SPIRE1: variants seen among roughly 807,000 people sequenced by gnomAD.
The protein encoded by SPIRE1 is protein spire homolog 1.
In SPIRE1, 40 loss-of-function variants were observed where a neutral mutation model predicts 94.1. That is an observed-to-expected ratio of 0.43 (90% CI 0.33 to 0.55). The LOEUF (loss-of-function observed/expected upper bound fraction) is 0.55, where lower values mean the gene tolerates loss of function less well. SPIRE1 is among the 20% of genes least tolerant of loss of function. SPIRE1 has a pLI of 0.06. For synonymous variants in SPIRE1, 376 were observed against 371.7 expected, an observed-to-expected ratio of 1.01 and a Z score of -0.13; for missense variants, 838 against 975.2, an observed-to-expected ratio of 0.86 and a Z score of 1.87.
chr18:12,647,154 T>C (rs2038250524), intron 1 of SPIRE1, among the ~76,000 whole-genome samples: 2 of 152,176 alleles, frequency 1.3e-5, no homozygotes, highest in Admixed American at 1.3e-4. Context: ...TCCATATACC[T>C]AATCGAATCC....
chr18:12,504,339 T>C (rs2033761882), intron 6 of SPIRE1, among the ~76,000 whole-genome samples: 1 of 143,796 alleles, frequency 7.0e-6, no homozygotes, highest in Non-Finnish European at 1.5e-5. Context: ...AAGCCCTGTC[T>C]CTACTAAAAA....
At chr18:12,611,015 C>A (rs1471470403) in intron 2 of SPIRE1, among the ~76,000 whole-genome samples, 1 of 152,166 alleles carries the variant, frequency 6.6e-6, no homozygotes, top group Admixed American at 6.5e-5. Context: ...TATCCCCTCT[C>A]GCCAAGGTAA....
intron 2 of SPIRE1, among the ~76,000 whole-genome samples, chr18:12,567,077 A>T (rs1598479349): frequency 6.6e-6 from 1 of 152,308 alleles, no homozygotes; most frequent in East Asian, 1.9e-4. Flanking sequence ...GAAAATACAA[A>T]AGAATGAACA....
chr18:12,486,938 C>T (rs4797693), intron 8 of SPIRE1, among the ~76,000 whole-genome samples: 6,865 of 152,148 alleles, frequency 0.045, 174 homozygotes, highest in South Asian at 0.092. Context: ...CCGCAACCTC[C>T]GCCTCCCGGG....
At chr18:12,450,870 C>T (rs910030216) in intron 16 of SPIRE1, 1 of 727,608 alleles carries the variant, frequency 1.4e-6, no homozygotes. Context: ...CAGCCTTACA[C>T]CACTAAGGCG....
intron 3 of SPIRE1, among the ~76,000 whole-genome samples, chr18:12,542,980 C>G (rs1411732122): frequency 6.6e-6 from 1 of 152,150 alleles, no homozygotes; most frequent in Non-Finnish European, 1.5e-5. Flanking sequence ...GCATGCACCA[C>G]CATGCCCAGC....
intron 2 of SPIRE1, among the ~76,000 whole-genome samples, chr18:12,548,052 T>C (rs574701774): frequency 7.9e-5 from 12 of 152,334 alleles, no homozygotes; most frequent in South Asian, 4.1e-4. Flanking sequence ...TTCTCATCCG[T>C]TAAATGGGGA....
rs141990482 is a variant in SPIRE1, at chr18:12,618,395, C to T, written c.372+16667G>A. 2.9e-4 allele frequency among the ~76,000 whole-genome samples: 44 copies of T among 152,230 alleles called. 1 individual carries two copies. In the East Asian group the frequency reaches 7.0e-3, roughly 24 times the overall value. On this transcript the variant is annotated intron_variant, in intron 2 of 16. Coordinates refer to ENST00000409402, the MANE Select transcript of SPIRE1 (RefSeq NM_001128626.2). ...GATTACAGGCGAGAGCCACCGCGCC[C>T]GGCCACTATAAGGTATTTATTAATT...
At chr18:12,652,769 T>C (rs1202765405) in intron 1 of SPIRE1, among the ~76,000 whole-genome samples, 1 of 152,238 alleles carries the variant, frequency 6.6e-6, no homozygotes, top group Non-Finnish European at 1.5e-5. Flanking sequence ...TTCTATTTAT[T>C]TCATTCAAAC....
chr18:12,527,833 G>A (rs1023176547), intron 4 of SPIRE1, among the ~76,000 whole-genome samples: 4 of 152,216 alleles, frequency 2.6e-5, no homozygotes, highest in South Asian at 2.1e-4. Flanking sequence ...TTGGGAGGCC[G>A]AGGTGGGTGG....
At chr18:12,626,962 T>G (rs1433812693) in intron 2 of SPIRE1, among the ~76,000 whole-genome samples, 1 of 150,888 alleles carries the variant, frequency 6.6e-6, no homozygotes, top group Non-Finnish European at 1.5e-5. Context: ...ACTCTTTTGT[T>G]ATTTACATAA....
chr18:12,639,079 T>C (rs532059595), intron 1 of SPIRE1, among the ~76,000 whole-genome samples: 44 of 152,260 alleles, frequency 2.9e-4, no homozygotes, highest in Non-Finnish European at 5.4e-4. Context: ...CCAGGCTAAC[T>C]ACCATTTCTA....
intron 1 of SPIRE1, among the ~76,000 whole-genome samples, chr18:12,643,039 AC>A (rs1712214644): frequency 6.6e-6 from 1 of 152,186 alleles, no homozygotes; most frequent in Admixed American, 6.5e-5. Flanking sequence ...AACTTACAAA[AC>A]TCATTACAAA....
At chr18:12,500,673 G>A (rs1322859880) in intron 6 of SPIRE1, among the ~76,000 whole-genome samples, 2 of 152,076 alleles carry the variant, frequency 1.3e-5, no homozygotes, top group Non-Finnish European at 2.9e-5. Flanking sequence ...ACTATACACT[G>A]CAGCACTACT....
chr18:12,640,303 T>C (rs886576482), intron 1 of SPIRE1, among the ~76,000 whole-genome samples: 1 of 152,252 alleles, frequency 6.6e-6, no homozygotes, highest in Admixed American at 6.5e-5. Context: ...CTTTTTACTA[T>C]GTGACCAAAT....
chr18:12,479,920 C>A, intron 9 of SPIRE1, 49 bp from the exon 10 acceptor site: 1 of 1,570,800 alleles, frequency 6.4e-7, no homozygotes, highest in Admixed American at 1.8e-5. Flanking sequence ...GAAAGGTTAT[C>A]TGTGTTGGAA....
intron 4 of SPIRE1, among the ~76,000 whole-genome samples, chr18:12,521,246 T>G (rs1221032194): frequency 1.3e-5 from 2 of 152,234 alleles, no homozygotes; most frequent in Non-Finnish European, 2.9e-5. Context: ...TTTCATCAAG[T>G]TATGATTTCT....
chr18:12,644,180 C>T (rs1190410330), intron 1 of SPIRE1, among the ~76,000 whole-genome samples: 1 of 118,808 alleles, frequency 8.4e-6, no homozygotes, highest in African/African-American at 3.2e-5. Context: ...GCCTAGGTGA[C>T]AGAGGGAAAC....
intron 12 of SPIRE1, among the ~76,000 whole-genome samples, chr18:12,461,566 T>TGTACGGACATACATATGTGTG (rs1568184251): frequency 7.4e-6 from 1 of 135,502 alleles, no homozygotes; most frequent in African/African-American, 3.1e-5. Context: ...TGCGTGTATA[T>TGTACGGACATACATATGTGTG]GTATGTACAT....
Sources: allele counts gnomAD v4.1 joint callset (sites outside exome capture counted in the v4.1 genomes callset), GRCh38; gene constraint gnomAD v4.1.1; transcripts MANE v1.5; gene names NCBI Gene and HGNC (gene_info 2026-07-23, HGNC 2026-07-21).